COL4A2: variants seen among roughly 807,000 people sequenced by gnomAD.
COL4A2 encodes the protein collagen type IV alpha 2 chain, also known as collagen alpha-2(IV) chain.
A neutral mutation model predicts 200.2 loss-of-function variants in COL4A2; 99 were observed. The observed-to-expected ratio is 0.49, with a 90% CI of 0.42 to 0.58. The LOEUF (loss-of-function observed/expected upper bound fraction) is 0.58, where lower values mean the gene tolerates loss of function less well. COL4A2 is among the 20% of genes least tolerant of loss of function. COL4A2 has a pLI of 0.00. For missense variants in COL4A2, 1,950 were observed against 2,314.1 expected (o/e 0.84, Z 3.23); for synonymous variants, 897 against 900.6 (o/e 1.00, Z 0.07).
chr13:110,307,579 T>G lies in COL4A2; in HGVS notation c.-45+51T>G, dbSNP rs1240450293. The G allele has an allele frequency of 1.1e-5, 4 of 365,860 alleles. No individual in the cohort carries two copies. Among genetic ancestry groups the G allele is most frequent in the Non-Finnish European group, 2.0e-5 (4 of 204,766 alleles). The allele number at this position is 365,860 out of a possible 1,614,324, so 22.7% of individuals were successfully genotyped here. On this transcript the variant is annotated intron_variant, in intron 1 of 47. Coordinates refer to ENST00000360467, the MANE Select transcript of COL4A2 (RefSeq NM_001846.4). The surrounding 1 kb of genome is among the most constrained non-coding windows in gnomAD (Gnocchi z 5.0). ...CAGACCCTGGCCCGAGAGCACCGACTTGGAGCGCCTTGTGCAGGCTAGGGC... is the reference window on the plus strand; with the variant it reads ...CAGACCCTGGCCCGAGAGCACCGACGTGGAGCGCCTTGTGCAGGCTAGGGC...
In COL4A2 at chr13:110,462,370, C is replaced by T. The variant is rs1453236518; in HGVS notation, c.1762C>T (p.Leu588Phe). Reference sequence around the variant, plus strand: ...CGATGGGCTCGATGGATTCCCCGGCCTCCCAGGCCCTCCCGTGAGTAGCCA... The same window carrying T: ...CGATGGGCTCGATGGATTCCCCGGCTTCCCAGGCCCTCCCGTGAGTAGCCA... ...GRDGLDGFPG[L>F]PGPPGDGIKG... is the part of the protein sequence containing the mutation. Residue 588 changes from leucine (L) to phenylalanine (F), a missense_variant, in exon 24 of 48, where the codon CTC (leucine) becomes TTC (phenylalanine). Leu to Phe is a conservative substitution (Grantham distance 22). Around this residue, in one of 2 missense-constraint regions of COL4A2, gnomAD observed 1,385 missense variants for 1,720.5 expected, o/e 0.80. Transcript: ENST00000360467. The T allele has an allele frequency of 2.1e-5, 34 of 1,612,868 alleles. No homozygotes were observed. In the Admixed American group the frequency reaches 5.7e-4, roughly 27 times the overall value.
At chr13:110,341,914 A>G (rs185086286) in intron 3 of COL4A2, among the ~76,000 whole-genome samples, 2 of 152,210 alleles carry the variant, frequency 1.3e-5, no homozygotes, top group African/African-American at 2.4e-5. Context: ...GTGGATGTTT[A>G]TAATCTCAGC....
chr13:110,379,852 A>G (rs1878391025), intron 4 of COL4A2, among the ~76,000 whole-genome samples: 1 of 152,128 alleles, frequency 6.6e-6, no homozygotes, highest in Non-Finnish European at 1.5e-5. Context: ...TGGGAGGTGC[A>G]GCTGAGCTTC....
chr13:110,415,098 G>A (rs997637614), intron 4 of COL4A2, among the ~76,000 whole-genome samples: 8 of 152,224 alleles, frequency 5.3e-5, no homozygotes, highest in Admixed American at 3.3e-4. Flanking sequence ...AGAAACATGA[G>A]GGTTGGACCG....
chr13:110,499,524 C>CAA (rs56361789), intron 40 of COL4A2, among the ~76,000 whole-genome samples: 1 of 151,800 alleles, frequency 6.6e-6, no homozygotes, highest in Admixed American at 6.6e-5. Flanking sequence ...AACTACAAGT[C>CAA]GAGATTTGGG....
intron 40 of COL4A2, among the ~76,000 whole-genome samples, chr13:110,496,301 AG>A (rs976887226): frequency 9.9e-5 from 15 of 152,242 alleles, no homozygotes; most frequent in African/African-American, 3.6e-4. Flanking sequence ...GCTGGGGTGC[AG>A]GGATGTCTCG....
At chr13:110,482,156 G>A (rs2139524963) in intron 31 of COL4A2, among the ~76,000 whole-genome samples, 1 of 152,362 alleles carries the variant, frequency 6.6e-6, no homozygotes, top group East Asian at 1.9e-4. Context: ...CATGCCAGGT[G>A]CAGTGTTACT....
intron 3 of COL4A2, among the ~76,000 whole-genome samples, chr13:110,335,961 G>A (rs2149772): frequency 0.082 from 12,464 of 152,190 alleles, 737 homozygotes; most frequent in Admixed American, 0.16. Context: ...GAAGACTCTC[G>A]TGGGCTTCTG....
chr13:110,497,433 C>T (rs929747791), intron 40 of COL4A2, among the ~76,000 whole-genome samples: 31 of 151,830 alleles, frequency 2.0e-4, no homozygotes, highest in Non-Finnish European at 3.7e-4. Context: ...ACCAGCACAA[C>T]CTCCACTCAG....
Position 110,485,649 on chromosome 13 carries a change from C to G in COL4A2, c.3026-6C>G. The stretch of plus-strand genomic sequence containing the variant: ...CAGAGTGTTACACACCAGGGTCTTC[C>G]TGCAGGTATCCAAGGAATGCCAGGC... On this transcript the variant is annotated splice_polypyrimidine_tract_variant and splice_region_variant and intron_variant, in intron 33 of 47. Transcript: ENST00000360467. 1 of 1,594,548 alleles carries G rather than the reference C, an allele frequency of 6.3e-7. No homozygotes were observed. Among genetic ancestry groups the G allele is most frequent in the Non-Finnish European group, 8.5e-7 (1 of 1,172,314 alleles).
chr13:110,309,545 G>C (rs1008818549), intron 3 of COL4A2, among the ~76,000 whole-genome samples: 1 of 152,186 alleles, frequency 6.6e-6, no homozygotes, highest in Non-Finnish European at 1.5e-5. Flanking sequence ...GTGTGCTTTG[G>C]TTGTGCTGCC....
intron 4 of COL4A2, among the ~76,000 whole-genome samples, chr13:110,358,274 C>T (rs1397166707): frequency 9.9e-5 from 15 of 152,056 alleles, no homozygotes; most frequent in Admixed American, 2.0e-4. Flanking sequence ...TGGGCCTACA[C>T]GGGCTCAGGA....
rs113377513 is a variant in COL4A2 at position 110,450,055 on chromosome 13, A to C, written c.1190-250A>C. ...CTTCCACCTGTGGGTTGGGAAGAGA[A>C]CGGAGAATCATCAGGTGTTGTTGCC... is the stretch of plus-strand genomic sequence containing the variant. On this transcript the variant is annotated intron_variant, in intron 19 of 47. Coordinates refer to ENST00000360467, the MANE Select transcript of COL4A2 (RefSeq NM_001846.4). Among the ~76,000 whole-genome samples, 1,103 of 152,320 alleles carry C rather than the reference A, an allele frequency of 7.2e-3. 12 individuals carry two copies. Among genetic ancestry groups the C allele is most frequent in the African/African-American group, 0.025 (1,034 of 41,572 alleles).
intron 29 of COL4A2, among the ~76,000 whole-genome samples, chr13:110,475,967 GC>G (rs1287350192): frequency 6.6e-6 from 1 of 152,246 alleles, no homozygotes; most frequent in East Asian, 1.9e-4. Context: ...GGCAGTCCTT[GC>G]CGGAGGATCG....
chr13:110,509,234 T>C (rs1430707322), intron 47 of COL4A2, among the ~76,000 whole-genome samples: 1 of 122,762 alleles, frequency 8.1e-6, no homozygotes, highest in Non-Finnish European at 1.7e-5. Flanking sequence ...GCATGTTAAA[T>C]ATTTCATAAA....
In COL4A2 at chr13:110,504,244, A is replaced by AG; in HGVS notation, c.4386dup (p.Pro1463AlafsTer91). ...GGAGATGAAGGACCCATAGGCCACCAGGGGCCGATTGGCCAAGAAGGTGAG... is the reference window on the plus strand; with the variant it reads ...GGAGATGAAGGACCCATAGGCCACCAGGGGGCCGATTGGCCAAGAAGGTGAG... On this transcript the variant is annotated frameshift_variant, in exon 45 of 48. Coordinates refer to ENST00000360467, the MANE Select transcript of COL4A2 (RefSeq NM_001846.4). LOFTEE classifies it high-confidence loss of function. The AG allele has an allele frequency of 6.2e-7, 1 of 1,613,896 alleles. No individual in the cohort carries two copies. Among genetic ancestry groups the AG allele is most frequent in the Middle Eastern group, 1.6e-4 (1 of 6,062 alleles).
chr13:110,495,191 C>G (rs557508001), intron 39 of COL4A2, 151 bp from the exon 40 acceptor site: 18 of 856,112 alleles, frequency 2.1e-5, no homozygotes, highest in Non-Finnish European at 3.3e-5. Context: ...CTCCTGTGAC[C>G]TGGAGGCCAT....
chr13:110,464,190 G>A (rs1366323506), intron 24 of COL4A2, among the ~76,000 whole-genome samples: 1 of 152,192 alleles, frequency 6.6e-6, no homozygotes, highest in Non-Finnish European at 1.5e-5. Flanking sequence ...GTCCAGCCAT[G>A]GGGTTCACCC....
At chr13:110,389,225 C>T (rs114715991) in intron 4 of COL4A2, among the ~76,000 whole-genome samples, 92 of 152,324 alleles carry the variant, frequency 6.0e-4, no homozygotes, top group African/African-American at 1.7e-3. Flanking sequence ...GCTCTCACCC[C>T]GGCCAAAGAT....
Sources: allele counts gnomAD v4.1 joint callset (sites outside exome capture counted in the v4.1 genomes callset), GRCh38; gene constraint gnomAD v4.1.1; regional missense constraint gnomAD v4.1.1; non-coding constraint Gnocchi (gnomAD v3.1); transcripts MANE v1.5; gene names NCBI Gene and HGNC (gene_info 2026-07-23, HGNC 2026-07-21).